ZSWIM3: variants seen among roughly 807,000 people sequenced by gnomAD.
ZSWIM3 encodes zinc finger SWIM-type containing 3.
ZSWIM3 carries 27 observed loss-of-function variants against 47.5 expected under a neutral mutation model. The ratio of observed to expected loss-of-function variants is 0.57; its 90% CI spans 0.42 to 0.78. The LOEUF is 0.78. Among genes scored for constraint, ZSWIM3 ranks in the 30% least tolerant of loss-of-function variants. The pLI, the probability that ZSWIM3 is intolerant of heterozygous loss-of-function variation, is 0.00. For synonymous variants in ZSWIM3, 333 were observed against 333.9 expected, an observed-to-expected ratio of 1.00 and a Z score of 0.03; for missense variants, 689 against 861.3, an observed-to-expected ratio of 0.80 and a Z score of 2.50.
At chr20:45,866,893 A>C in intron 1 of ZSWIM3, among the ~76,000 whole-genome samples, 1 of 150,608 alleles carries the variant, frequency 6.6e-6, no homozygotes, top group Admixed American at 6.6e-5. Context: ...TATAGTATGT[A>C]GTAGAAAGTG....
chr20:45,871,144 G>A lies in ZSWIM3; in HGVS notation c.156-5570G>A, dbSNP rs1381785540. Among the ~76,000 whole-genome samples, 3 of 152,096 alleles carry A rather than the reference G, an allele frequency of 2.0e-5. 1 individual carries two copies. Among genetic ancestry groups the A allele is most frequent in the Middle Eastern group, 6.3e-3 (2 of 316 alleles). ...CAGACATCTTTTGCAAGAATTCATT[G>A]AGCACTATAGTTATATTCATCTGTA... On this transcript the variant is annotated intron_variant, in intron 1 of 1. Coordinates refer to ENST00000255152, the MANE Select transcript of ZSWIM3 (RefSeq NM_080752.4).
Position 45,877,634 on chromosome 20 carries a change from A to G in ZSWIM3, c.1076A>G (p.Asp359Gly). The G allele has an allele frequency of 1.2e-6, 2 of 1,614,152 alleles. No homozygotes were observed. Among genetic ancestry groups the G allele is most frequent in the Non-Finnish European group, 1.7e-6 (2 of 1,180,012 alleles). The change falls in exon 2 of 2, where the codon GAT becomes GGT. Residue 359 changes from aspartate (D) to glycine (G), a missense_variant. Coordinates refer to ENST00000255152, the MANE Select transcript of ZSWIM3 (RefSeq NM_080752.4). ...NLCQMSQAVL[D>G]EDLFNFLQAH... ...TGCCAGATGTCCCAGGCCGTACTGGATGAGGATCTCTTCAACTTCCTGCAG... is the reference window on the plus strand; with the variant it reads ...TGCCAGATGTCCCAGGCCGTACTGGGTGAGGATCTCTTCAACTTCCTGCAG...
intron 1 of ZSWIM3, among the ~76,000 whole-genome samples, chr20:45,863,007 G>T (rs1019206858): frequency 1.3e-5 from 2 of 152,148 alleles, no homozygotes; most frequent in Non-Finnish European, 1.5e-5. Flanking sequence ...AACATGTCTT[G>T]TATATGCATT....
intron 1 of ZSWIM3, among the ~76,000 whole-genome samples, chr20:45,874,912 G>A (rs1986053374): frequency 6.6e-6 from 1 of 151,972 alleles, no homozygotes; most frequent in Non-Finnish European, 1.5e-5. Context: ...TGGGACTGGA[G>A]AGTTAATGTA....
intron 1 of ZSWIM3, among the ~76,000 whole-genome samples, chr20:45,864,510 T>C (rs905108337): frequency 2.7e-4 from 41 of 152,226 alleles, no homozygotes; most frequent in Non-Finnish European, 5.7e-4. Flanking sequence ...TTAATACTTA[T>C]GTGAAAATGT....
intron 1 of ZSWIM3, among the ~76,000 whole-genome samples, chr20:45,862,154 T>G (rs371883932): frequency 2.0e-5 from 3 of 151,910 alleles, no homozygotes; most frequent in East Asian, 3.9e-4. Flanking sequence ...TTTTTGGTTT[T>G]TTTTTTTTTT....
chr20:45,857,779 T>G lies in ZSWIM3; in HGVS notation c.-47T>G. 1.2e-6 allele frequency: 2 copies of G among 1,600,736 alleles called. No homozygotes were observed. Among genetic ancestry groups the G allele is most frequent in the Non-Finnish European group, 1.7e-6 (2 of 1,172,468 alleles). ...TGACCTTTGACCCCTGGTGTGATCTTGGGCCCGGGCTGGGACCAGCCCCTA... is the reference window on the plus strand; with the variant it reads ...TGACCTTTGACCCCTGGTGTGATCTGGGGCCCGGGCTGGGACCAGCCCCTA... On this transcript the variant is annotated 5_prime_UTR_variant, in exon 1 of 2. Coordinates refer to ENST00000255152, the MANE Select transcript of ZSWIM3 (RefSeq NM_080752.4).
chr20:45,867,954 C>G (rs1373202289), intron 1 of ZSWIM3, among the ~76,000 whole-genome samples: 2 of 152,212 alleles, frequency 1.3e-5, no homozygotes, highest in East Asian at 3.9e-4. Context: ...TCCATGTATC[C>G]ATAGTTACAA....
intron 1 of ZSWIM3, among the ~76,000 whole-genome samples, chr20:45,867,059 T>C (rs535381348): frequency 7.1e-6 from 1 of 140,534 alleles, no homozygotes; most frequent in Non-Finnish European, 1.5e-5. Context: ...CAGGCTGGAG[T>C]GCAGTGACGC....
intron 1 of ZSWIM3, among the ~76,000 whole-genome samples, chr20:45,865,319 CAAAAA>C (rs201175786): frequency 2.0e-5 from 2 of 100,868 alleles, no homozygotes; most frequent in Non-Finnish European, 2.1e-5. Flanking sequence ...AACTCTGTCT[CAAAAA>C]AAAAAAAAAA....
At chr20:45,870,811 A>C (rs1985958767) in intron 1 of ZSWIM3, among the ~76,000 whole-genome samples, 1 of 151,908 alleles carries the variant, frequency 6.6e-6, no homozygotes, top group Non-Finnish European at 1.5e-5. Flanking sequence ...CTTCTGCCTC[A>C]GCCACCCGAG....
intron 1 of ZSWIM3, among the ~76,000 whole-genome samples, chr20:45,874,093 G>T (rs1458381812): frequency 2.6e-5 from 4 of 152,168 alleles, no homozygotes; most frequent in Non-Finnish European, 5.9e-5. Flanking sequence ...AATGAAACAT[G>T]AGTAGAAGCC....
At chr20:45,872,826 G>C in intron 1 of ZSWIM3, 2 of 1,279,768 alleles carry the variant, frequency 1.6e-6, no homozygotes, top group Non-Finnish European at 2.0e-6. Context: ...CACACAATAG[G>C]TACAGACACT....
intron 1 of ZSWIM3, among the ~76,000 whole-genome samples, chr20:45,871,169 A>G (rs1659203893): frequency 6.6e-6 from 1 of 152,214 alleles, no homozygotes; most frequent in African/African-American, 2.4e-5. Flanking sequence ...ATTCATCTGT[A>G]CTTACTGTCT....
At chr20:45,873,326 A>G (rs1986018129) in intron 1 of ZSWIM3, among the ~76,000 whole-genome samples, 1 of 152,102 alleles carries the variant, frequency 6.6e-6, no homozygotes, top group Admixed American at 6.6e-5. Context: ...GCTTGAACTC[A>G]GGAGGCAGAG....
intron 1 of ZSWIM3, 77 bp downstream of exon 1, chr20:45,858,057 G>A: frequency 1.4e-6 from 2 of 1,478,620 alleles, no homozygotes; most frequent in Non-Finnish European, 1.8e-6. Context: ...TGGAGGAGGA[G>A]GGGTGCATAG....
chr20:45,876,453 C>T (rs1049487047), intron 1 of ZSWIM3, among the ~76,000 whole-genome samples: 7 of 152,132 alleles, frequency 4.6e-5, no homozygotes, highest in African/African-American at 1.7e-4. Context: ...ATCCTCCCTT[C>T]TCTGCCTCCT....
chr20:45,865,948 A>T (rs565835925), intron 1 of ZSWIM3, among the ~76,000 whole-genome samples: 196 of 147,700 alleles, frequency 1.3e-3, no homozygotes, highest in African/African-American at 4.6e-3. Context: ...AGCCGAGATC[A>T]CGCCATTGCA....
At position 45,878,115 on chromosome 20, in the gene ZSWIM3, C is replaced by T. The variant is rs1043741661; in HGVS notation, c.1557C>T (p.Asn519=). 3 of 1,614,096 alleles carry T rather than the reference C, an allele frequency of 1.9e-6. No homozygotes were observed. The highest frequency in any genetic ancestry group is 1.7e-5 in the Admixed American group (1 of 60,006). The change falls in exon 2 of 2, where the codon AAC becomes AAT. Residue 519 remains asparagine (N), a synonymous_variant. Transcript: ENST00000255152. ...ACAATGAGTGGGAGGTGGTACAGAACTCCACCCACCTGGTGGACATGGCTG... is the reference window on the plus strand; with the variant it reads ...ACAATGAGTGGGAGGTGGTACAGAATTCCACCCACCTGGTGGACATGGCTG... ...LCHNEWEVVQ[N]STHLVDMAGS...
Sources: allele counts gnomAD v4.1 joint callset (sites outside exome capture counted in the v4.1 genomes callset), GRCh38; gene constraint gnomAD v4.1.1; transcripts MANE v1.5; gene names NCBI Gene and HGNC (gene_info 2026-07-23, HGNC 2026-07-21).